The following APOC3 variants were observed in gnomAD, a reference collection of about 807,000 sequenced individuals.
The protein encoded by APOC3 is apolipoprotein C-III.
APOC3 carries 6 observed loss-of-function variants against 7.3 expected under a neutral mutation model. The ratio of observed to expected loss-of-function variants is 0.82; its 90% CI spans 0.45 to 1.61. The LOEUF is 1.61. APOC3 is among the 40% of genes most tolerant of loss of function. The probability of loss-of-function intolerance (pLI) is 0.01; values close to 1 mark genes in which losing one functional copy is unlikely to be tolerated. For missense variants in APOC3, 123 were observed against 124.9 expected (o/e 0.98, Z 0.07); for synonymous variants, 45 against 51.2 (o/e 0.88, Z 0.52).
intron 1 of APOC3, among the ~76,000 whole-genome samples, chr11:116,830,180 T>TC (rs1370415497): frequency 6.6e-6 from 1 of 151,818 alleles, no homozygotes; most frequent in East Asian, 1.9e-4. Context: ...AAGTGCAGGT[T>TC]CCCCCCTCAT....
intron 1 of APOC3, among the ~76,000 whole-genome samples, chr11:116,830,222 A>G (rs571215555): frequency 6.6e-6 from 1 of 152,246 alleles, no homozygotes; most frequent in African/African-American, 2.4e-5. Flanking sequence ...GAAGCCTTAG[A>G]CAGCCCAGTC....
rs140621530 is a variant in APOC3 at position 116,830,897 on chromosome 11, G to T, written c.179+1G>T. On this transcript the variant is annotated splice_donor_variant, in intron 3 of 3. Coordinates refer to ENST00000227667, the MANE Select transcript of APOC3 (RefSeq NM_000040.3). LOFTEE classifies it high-confidence loss of function. The stretch of plus-strand genomic sequence containing the variant: ...AGTCCCAGGTGGCCCAGCAGGCCAG[G>T]TACACCCGCTGGCCTCCCTCCCCAT... 5.5e-5 allele frequency: 88 copies of T among 1,612,218 alleles called. 1 individual carries two copies. The African/African-American group carries it at 8.4e-4, about 15-fold the overall frequency.
Position 116,831,246 on chromosome 11 carries a change from T to C in APOC3, c.179+350T>C, listed in dbSNP as rs571562221. 64 of 167,330 alleles carry C rather than the reference T, an allele frequency of 3.8e-4. 1 individual carries two copies. Among genetic ancestry groups the C allele is most frequent in the African/African-American group, 2.3e-3 (59 of 25,778 alleles). The allele number at this position is 167,330 out of a possible 1,614,324, so 10.4% of individuals were successfully genotyped here. A position where few individuals can be genotyped will look rare whatever the true frequency, so the allele number is the denominator to read the frequency against. ...CTTTCTTTCTTTCTTTCTTTCTTTC[T>C]TTCTTTCTTTCCTTTCTTTCTTTCC... On this transcript the variant is annotated intron_variant, in intron 3 of 3. Transcript: ENST00000227667.
intron 1 of APOC3, 71 bp from the exon 2 acceptor site, chr11:116,830,499 C>T (rs749751769): frequency 3.0e-5 from 47 of 1,550,262 alleles, no homozygotes; most frequent in East Asian, 9.0e-5. Flanking sequence ...TTAGGGGCCA[C>T]GCCACCTCCC....
At position 116,832,808 on chromosome 11, in the gene APOC3, G is replaced by T; in HGVS notation, c.224G>T (p.Ser75Ile). Reference sequence around the variant, plus strand: ...TTCAGTTCCCTGAAAGACTACTGGAGCACCGTTAAGGACAAGTTCTCTGAG... The same window carrying T: ...TTCAGTTCCCTGAAAGACTACTGGATCACCGTTAAGGACAAGTTCTCTGAG... ...DGFSSLKDYW[S>I]TVKDKFSEFW... The change falls in exon 4 of 4, where the codon AGC becomes ATC. Residue 75 changes from serine (S) to isoleucine (I), a missense_variant. Transcript: ENST00000227667. 1 of 1,614,148 alleles carries T rather than the reference G, an allele frequency of 6.2e-7. No individual in the cohort carries two copies. The highest frequency in any genetic ancestry group is 8.5e-7 in the Non-Finnish European group (1 of 1,180,028).
Position 116,830,711 on chromosome 11 carries a change from A to G in APOC3, c.56-62A>G, listed in dbSNP as rs1941436684. On this transcript the variant is annotated intron_variant, in intron 2 of 3. Coordinates refer to ENST00000227667, the MANE Select transcript of APOC3 (RefSeq NM_000040.3). Reference sequence around the variant, plus strand: ...GGATCCCAGTCCCAATGGGTGGTCAAGCAGGAGCCCAGGGCTCGTCCAGAG... The same window carrying G: ...GGATCCCAGTCCCAATGGGTGGTCAGGCAGGAGCCCAGGGCTCGTCCAGAG... 6.2e-6 allele frequency: 10 copies of G among 1,613,030 alleles called. No individual in the cohort carries two copies. The South Asian group carries it at 9.9e-5, about 16-fold the overall frequency.
At position 116,831,181 on chromosome 11, in the gene APOC3, CTCTT is replaced by C. The variant is rs201293676; in HGVS notation, c.179+289_179+292del. ...ATTTTCCTTTCCTTTCCCTTTCTTT[CTCTT>C]TCTATTTCTTTCTTTCTTTCTTTCT... On this transcript the variant is annotated intron_variant, in intron 3 of 3. Coordinates refer to ENST00000227667, the MANE Select transcript of APOC3 (RefSeq NM_000040.3). The C allele has an allele frequency of 1.7e-3, 498 of 293,682 alleles. 12 individuals are homozygous for C. The highest frequency in any genetic ancestry group is 0.01 in the African/African-American group (398 of 38,642). 18.2% of individuals were successfully genotyped at this position (293,682 alleles called of 1,614,324 possible). A position where few individuals can be genotyped will look rare whatever the true frequency, so the allele number is the denominator to read the frequency against.
rs541512801 is a variant in APOC3, at chr11:116,833,071, G to C, written c.*187G>C. ...ATAAAGCTGGACAAGAAGCTGCTAT[G>C]AGTGGGCCGTCGCAAGTGTGCCATC... On this transcript the variant is annotated 3_prime_UTR_variant, in exon 4 of 4. Transcript: ENST00000227667. The C allele has an allele frequency of 1.2e-6, 1 of 827,034 alleles. No individual in the cohort carries two copies. The highest frequency in any genetic ancestry group is 1.7e-5 in the African/African-American group (1 of 59,212). 51.2% of individuals were successfully genotyped at this position (827,034 alleles called of 1,614,324 possible).
rs1941479334 is a variant in APOC3, at chr11:116,832,955, GC to G, written c.*75del. The G allele has an allele frequency of 6.2e-7, 1 of 1,606,212 alleles. No homozygotes were observed. Among genetic ancestry groups the G allele is most frequent in the Admixed American group, 1.7e-5 (1 of 59,836 alleles). ...CTTGGGTCCTGCAATCTCCAGGGCT[GC>G]CCCTGTAGGTTGCTTAAAAGGGACA... On this transcript the variant is annotated 3_prime_UTR_variant, in exon 4 of 4. Transcript: ENST00000227667.
rs746962602 is a variant in APOC3 at position 116,830,926 on chromosome 11, C to G, written c.179+30C>G. On this transcript the variant is annotated intron_variant, in intron 3 of 3. Coordinates refer to ENST00000227667, the MANE Select transcript of APOC3 (RefSeq NM_000040.3). ...ACCCGCTGGCCTCCCTCCCCATCCCCCCTGCCAGCTGCCTCCATTCCCACC... is the reference window on the plus strand; with the variant it reads ...ACCCGCTGGCCTCCCTCCCCATCCCGCCTGCCAGCTGCCTCCATTCCCACC... The G allele has an allele frequency of 5.0e-6, 8 of 1,608,854 alleles. No individual in the cohort carries two copies. The Admixed American group carries it at 5.0e-5, about 10-fold the overall frequency.
chr11:116,831,469 A>G (rs1417791261), intron 3 of APOC3, among the ~76,000 whole-genome samples: 2 of 150,388 alleles, frequency 1.3e-5, no homozygotes, highest in African/African-American at 4.9e-5. Context: ...GGTTCAACCC[A>G]TTCTCCTGCC....
intron 2 of APOC3, 33 bp downstream of exon 2, chr11:116,830,670 G>A: frequency 6.2e-7 from 1 of 1,613,618 alleles, no homozygotes; most frequent in Non-Finnish European, 8.5e-7. Context: ...CTGGGGGCAG[G>A]GTGGAGGCAA....
intron 3 of APOC3, among the ~76,000 whole-genome samples, chr11:116,831,299 T>C (rs1205761806): frequency 1.5e-5 from 2 of 131,564 alleles, no homozygotes; most frequent in Non-Finnish European, 3.0e-5. Flanking sequence ...TTTCTTTCTT[T>C]CCTTTCTTTC....
chr11:116,830,740 G>T (rs763606461), intron 2 of APOC3, 33 bp from the exon 3 acceptor site: 2 of 1,613,166 alleles, frequency 1.2e-6, no homozygotes, highest in African/African-American at 1.3e-5. Flanking sequence ...TCCAGAGGCC[G>T]ATCCACCCCA....
intron 2 of APOC3, 54 bp downstream of exon 2, chr11:116,830,691 C>G: frequency 6.2e-7 from 1 of 1,613,242 alleles, no homozygotes; most frequent in Non-Finnish European, 8.5e-7. Context: ...CTTGGGGATC[C>G]CAGTCCCAAT....
intron 1 of APOC3, among the ~76,000 whole-genome samples, chr11:116,830,216 C>A (rs551435589): frequency 1.3e-5 from 2 of 152,074 alleles, no homozygotes; most frequent in African/African-American, 4.8e-5. Flanking sequence ...CTGGAGGAAG[C>A]CTTAGACAGC....
rs1941438335 is a variant in APOC3, at chr11:116,830,828, G to A, written c.111G>A (p.Lys37=). Residue 37 remains lysine, a synonymous_variant, in exon 3 of 4, where the codon AAG becomes AAA. Coordinates refer to ENST00000227667, the MANE Select transcript of APOC3 (RefSeq NM_000040.3). ...SLLSFMQGYM[K]HATKTAKDAL... is the part of the protein sequence containing the mutation. ...TCAGCTTCATGCAGGGTTACATGAA[G>A]CACGCCACCAAGACCGCCAAGGATG... 6.2e-7 allele frequency: 1 copy of A among 1,613,088 alleles called. No individual in the cohort carries two copies. Among genetic ancestry groups the A allele is most frequent in the South Asian group, 1.1e-5 (1 of 91,058 alleles).
chr11:116,831,254 TTTCC>T (rs1565336543), intron 3 of APOC3, among the ~76,000 whole-genome samples: 2,013 of 88,002 alleles, frequency 0.023, 125 homozygotes, highest in African/African-American at 0.095. Flanking sequence ...TCTTTCTTTC[TTTCC>T]TTTCTTTCTT....
At position 116,832,781 on chromosome 11, in the gene APOC3, G is replaced by C. The variant is rs1452726664; in HGVS notation, c.197G>C (p.Gly66Ala). ...AQQARGWVTD[G>A]FSSLKDYWST... ...TGATTTAGGGGCTGGGTGACCGATG[G>C]CTTCAGTTCCCTGAAAGACTACTGG... Residue 66 changes from glycine to alanine, a missense_variant, in exon 4 of 4, where the codon GGC becomes GCC. Transcript: ENST00000227667. The C allele has an allele frequency of 6.2e-7, 1 of 1,614,136 alleles. No homozygotes were observed. The highest frequency in any genetic ancestry group is 1.1e-5 in the South Asian group (1 of 91,082).
Sources: gnomAD v4.1 joint callset for allele counts (sites outside exome capture counted in the v4.1 genomes callset) on GRCh38, gnomAD v4.1.1 for gene constraint, MANE v1.5 for transcripts, NCBI Gene and HGNC (gene_info 2026-07-23, HGNC 2026-07-21) for gene names.